Variants in GPSM2 observed in about 807,000 individuals in gnomAD.
The protein encoded by GPSM2 is G protein-signaling modulator 2.
Under a neutral mutation model 78.4 loss-of-function variants are expected in GPSM2, and 58 were observed. The observed-to-expected ratio is 0.74, with a 90% confidence interval of 0.60 to 0.92. GPSM2 has a LOEUF of 0.92. Among genes scored for constraint, GPSM2 ranks in the 40% least tolerant of loss-of-function variants. The pLI is 0.00. For synonymous variants in GPSM2, 224 were observed against 280.2 expected, an observed-to-expected ratio of 0.80 and a Z score of 2.00; for missense variants, 700 against 815.5, an observed-to-expected ratio of 0.86 and a Z score of 1.73.
chr1:108,885,535 T>C lies in GPSM2; in HGVS notation c.13T>C (p.Leu5=). 6.3e-7 allele frequency: 1 copy of C among 1,574,950 alleles called. No individual in the cohort carries two copies. Residue 5 remains leucine (L), a synonymous_variant, in exon 2 of 15, where the codon TTG becomes CTG. Transcript: ENST00000264126. ...ATAATATGACTCGATGGAGGAAAATTTGATAAGCATGAGAGAAGACCATTC... is the reference window on the plus strand; with the variant it reads ...ATAATATGACTCGATGGAGGAAAATCTGATAAGCATGAGAGAAGACCATTC... MEEN[L]ISMREDHSFH...
At chr1:108,915,110 C>T (rs1650080853) in intron 11 of GPSM2, among the ~76,000 whole-genome samples, 2 of 151,938 alleles carry the variant, frequency 1.3e-5, no homozygotes, top group Admixed American at 6.6e-5. Context: ...CGGTGGCTCG[C>T]GCCTGTAATC....
intron 9 of GPSM2, 86 bp downstream of exon 9, chr1:108,903,320 T>G (rs1195090162): frequency 1.4e-6 from 1 of 737,050 alleles, no homozygotes; most frequent in Non-Finnish European, 2.4e-6. Context: ...TCTAGATTGA[T>G]CATGTGGCTG....
At position 108,932,797 on chromosome 1, in the gene GPSM2, G is replaced by A. The variant is rs1652232222; in HGVS notation, c.*2857G>A. On this transcript the variant is annotated 3_prime_UTR_variant, in exon 15 of 15. Coordinates refer to ENST00000264126, the MANE Select transcript of GPSM2 (RefSeq NM_013296.5). ...CTGTCAGGATTCATTTGTTAAACAT[G>A]TCCTCTGTGTTAAAAATCCTAAAAT... 6.6e-6 allele frequency: 1 copy of A among 152,186 alleles called. No homozygotes were observed. Among genetic ancestry groups the A allele is most frequent in the Non-Finnish European group, 1.5e-5 (1 of 68,030 alleles). 9.4% of individuals were successfully genotyped at this position (152,186 alleles called of 1,614,324 possible).
Position 108,901,921 on chromosome 1 carries a change from C to G in GPSM2, c.929C>G (p.Ala310Gly). Residue 310 changes from alanine to glycine, a missense_variant, in exon 8 of 15, where the codon GCA becomes GGA. By Grantham distance (60) the Ala-to-Gly change is moderately conservative. Transcript: ENST00000264126. ...KAIDYHLKHL[A>G]IAQELNDRIG... ...ATTGATTATCATCTGAAGCACTTAG[C>G]AATTGCTCAAGAGCTGAATGATAGG... The G allele has an allele frequency of 1.2e-6, 2 of 1,610,608 alleles. No individual in the cohort carries two copies. The highest frequency in any genetic ancestry group is 1.7e-6 in the Non-Finnish European group (2 of 1,176,828).
intron 5 of GPSM2, 58 bp from the exon 6 acceptor site, chr1:108,898,584 C>A (rs943428891): frequency 7.2e-6 from 11 of 1,520,286 alleles, no homozygotes; most frequent in Non-Finnish European, 1.0e-5. Context: ...ATATGTAAAT[C>A]ACATACATAA....
At chr1:108,903,024 C>A in intron 8 of GPSM2, 102 bp from the exon 9 acceptor site, 1 of 728,474 alleles carries the variant, frequency 1.4e-6, no homozygotes, top group South Asian at 1.5e-5. Context: ...CCAAATCAAT[C>A]CAAAGCATTC....
At chr1:108,912,656 C>T (rs973963181) in intron 10 of GPSM2, among the ~76,000 whole-genome samples, 4 of 151,672 alleles carry the variant, frequency 2.6e-5, no homozygotes, top group African/African-American at 9.7e-5. Flanking sequence ...GGGAGGATCG[C>T]TTTGAGCCCA....
At chr1:108,905,617 G>A (rs1024642928) in intron 10 of GPSM2, among the ~76,000 whole-genome samples, 1 of 151,556 alleles carries the variant, frequency 6.6e-6, no homozygotes, top group Non-Finnish European at 1.5e-5. Flanking sequence ...TTTCCTCTAC[G>A]TTTGTAGTGC....
At chr1:108,924,270 T>G in intron 14 of GPSM2, 56 bp downstream of exon 14, 1 of 1,037,640 alleles carries the variant, frequency 9.6e-7, no homozygotes. Flanking sequence ...CTGAAAACAT[T>G]GGTAGTGTTA....
At chr1:108,904,558 T>A (rs1001248467) in intron 10 of GPSM2, among the ~76,000 whole-genome samples, 3 of 151,420 alleles carry the variant, frequency 2.0e-5, no homozygotes, top group Admixed American at 6.6e-5. Flanking sequence ...TTAAATTCTC[T>A]ATCTCTAAGC....
intron 11 of GPSM2, 69 bp from the exon 12 acceptor site, chr1:108,918,544 T>C (rs1650453549): frequency 2.6e-6 from 3 of 1,153,900 alleles, no homozygotes; most frequent in African/African-American, 1.5e-5. Context: ...GTTAATATTA[T>C]GGGAAACCAG....
In GPSM2 at chr1:108,908,728, A is replaced by AACACACACACACACACAC. The variant is rs71591128; in HGVS notation, c.1192+4484_1192+4485insACACACACACACACACAC. Among the ~76,000 whole-genome samples the AACACACACACACACACAC allele has an allele frequency of 5.2e-3, 779 of 148,456 alleles. 11 individuals are homozygous for AACACACACACACACACAC. Among genetic ancestry groups the AACACACACACACACACAC allele is most frequent in the Admixed American group, 0.027 (413 of 15,162 alleles). On this transcript the variant is annotated intron_variant, in intron 10 of 14. Coordinates refer to ENST00000264126, the MANE Select transcript of GPSM2 (RefSeq NM_013296.5). ...CAGCCAGACTCCATCTCAAAACACA[A>AACACACACACACACACAC]ACACACACACGCCGGGGCAGTGGCT... is the stretch of plus-strand genomic sequence containing the variant.
At chr1:108,922,261 A>G (rs1045725852) in intron 12 of GPSM2, among the ~76,000 whole-genome samples, 156 bp from the exon 13 acceptor site, 3 of 152,212 alleles carry the variant, frequency 2.0e-5, no homozygotes, top group Non-Finnish European at 4.4e-5. Context: ...ATAACATTTT[A>G]TTACCAATAT....
chr1:108,889,706 C>T (rs1647830273), intron 2 of GPSM2, among the ~76,000 whole-genome samples: 1 of 152,158 alleles, frequency 6.6e-6, no homozygotes, highest in Non-Finnish European at 1.5e-5. Flanking sequence ...ATCTTCTTTC[C>T]AGACTGCCTC....
At chr1:108,926,714 G>T (rs562982557) in intron 14 of GPSM2, 1 of 152,152 alleles carries the variant, frequency 6.6e-6, no homozygotes, top group African/African-American at 2.4e-5. Flanking sequence ...GCAACAGTAG[G>T]AAACTACCAG....
intron 10 of GPSM2, among the ~76,000 whole-genome samples, chr1:108,907,141 G>C (rs1396270824): frequency 6.6e-6 from 1 of 152,178 alleles, no homozygotes; most frequent in East Asian, 1.9e-4. Context: ...GAAGACAGGT[G>C]TTTTTTGGTC....
chr1:108,908,960 G>T (rs1319141831), intron 10 of GPSM2, among the ~76,000 whole-genome samples: 3 of 151,406 alleles, frequency 2.0e-5, no homozygotes, highest in African/African-American at 7.3e-5. Context: ...CACACAGGGA[G>T]ACCGCCATCT....
Position 108,931,608 on chromosome 1 carries a change from A to C in GPSM2, c.*1668A>C. The C allele has an allele frequency of 7.8e-7, 1 of 1,286,376 alleles. No individual in the cohort carries two copies. The highest frequency in any genetic ancestry group is 3.3e-5 in the Admixed American group (1 of 30,088). 79.7% of individuals were successfully genotyped at this position (1,286,376 alleles called of 1,614,324 possible). On this transcript the variant is annotated 3_prime_UTR_variant, in exon 15 of 15. Transcript: ENST00000264126. ...TTTTTAAGAGTCATAACCTGGAATTAATTACATTAAGTGCTCAGCTAAAAA... is the reference window on the plus strand; with the variant it reads ...TTTTTAAGAGTCATAACCTGGAATTCATTACATTAAGTGCTCAGCTAAAAA...
At position 108,934,539 on chromosome 1, in the gene GPSM2, G is replaced by T; in HGVS notation, c.*4599G>T. 3.8e-6 allele frequency: 4 copies of T among 1,039,794 alleles called. No homozygotes were observed. Among genetic ancestry groups the T allele is most frequent in the Admixed American group, 2.7e-5 (1 of 36,822 alleles). 64.4% of individuals were successfully genotyped at this position (1,039,794 alleles called of 1,614,324 possible). Reference sequence around the variant, plus strand: ...TGTCAGTAAAAATGTGAATGTTGAAGTTGAAATGTGAATGTTGAAGTTGGC... The same window carrying T: ...TGTCAGTAAAAATGTGAATGTTGAATTTGAAATGTGAATGTTGAAGTTGGC... On this transcript the variant is annotated 3_prime_UTR_variant, in exon 15 of 15. Coordinates refer to ENST00000264126, the MANE Select transcript of GPSM2 (RefSeq NM_013296.5).
Sources: allele counts gnomAD v4.1 joint callset (sites outside exome capture counted in the v4.1 genomes callset), GRCh38; gene constraint gnomAD v4.1.1; transcripts MANE v1.5; gene names NCBI Gene and HGNC (gene_info 2026-07-23, HGNC 2026-07-21).